The following RIMS2 variants were observed in gnomAD, a reference collection of about 807,000 sequenced individuals.
The protein encoded by RIMS2 is regulating synaptic membrane exocytosis protein 2.
In RIMS2, 59 loss-of-function variants were observed where a neutral mutation model predicts 174.4. The observed-to-expected ratio is 0.34, with a 90% CI of 0.27 to 0.42. RIMS2 has a LOEUF of 0.42. Among genes scored for constraint, RIMS2 ranks in the 10% least tolerant of loss-of-function variants. The pLI is 1.00. For missense variants in RIMS2, 1,620 were observed against 1,666.3 expected, an observed-to-expected ratio of 0.97 and a Z score of 0.48; for synonymous variants, 606 against 572.5, an observed-to-expected ratio of 1.06 and a Z score of -0.84.
intron 1 of RIMS2, among the ~76,000 whole-genome samples, chr8:103,608,575 C>T (rs1274978405): frequency 3.4e-5 from 5 of 147,030 alleles, no homozygotes; most frequent in African/African-American, 7.7e-5. Flanking sequence ...CAATGGTGGG[C>T]GCCCCTCCCC....
intron 1 of RIMS2, among the ~76,000 whole-genome samples, chr8:103,680,920 TAAA>T (rs2096872236): frequency 6.6e-6 from 1 of 152,020 alleles, no homozygotes; most frequent in African/African-American, 2.4e-5. Context: ...GAAGAGCAGT[TAAA>T]AAGTATCTAG....
intron 3 of RIMS2, among the ~76,000 whole-genome samples, 198 bp downstream of exon 6, chr8:103,766,735 G>T (rs2098176145): frequency 6.6e-6 from 1 of 152,186 alleles, no homozygotes; most frequent in Non-Finnish European, 1.5e-5. Context: ...TTTGATGTGG[G>T]AGTGTTAGGT....
At chr8:103,942,846 C>A (rs2082850260) in exon 14 of RIMS2, 1 of 1,613,068 alleles carries the variant, frequency 6.2e-7, no homozygotes, top group African/African-American at 1.3e-5. Context: ...CATGATGTCT[C>A]TTCATTGCCA....
At chr8:103,998,351 T>G in intron 17 of RIMS2, 1 of 633,290 alleles carries the variant, frequency 1.6e-6, no homozygotes. Flanking sequence ...TATATACATA[T>G]ATGGTTGTTA....
At chr8:103,639,522 T>C (rs1461454980) in intron 1 of RIMS2, among the ~76,000 whole-genome samples, 1 of 151,994 alleles carries the variant, frequency 6.6e-6, no homozygotes, top group African/African-American at 2.4e-5. Flanking sequence ...TTTCCCAGAA[T>C]GTCATATAAA....
chr8:104,007,626 C>T (rs1383240858), intron 17 of RIMS2, among the ~76,000 whole-genome samples: 1 of 152,090 alleles, frequency 6.6e-6, no homozygotes, highest in East Asian at 1.9e-4. Flanking sequence ...TTTCAAATTC[C>T]CCATTTGATA....
At chr8:104,239,818 T>G (rs1246042574) in intron 19 of RIMS2, among the ~76,000 whole-genome samples, 1 of 152,162 alleles carries the variant, frequency 6.6e-6, no homozygotes, top group Non-Finnish European at 1.5e-5. Context: ...TCTGGCACGT[T>G]TGGCTGGGTT....
intron 3 of RIMS2, among the ~76,000 whole-genome samples, chr8:103,884,139 A>AC (rs1178854814): frequency 6.6e-6 from 1 of 151,766 alleles, no homozygotes; most frequent in Non-Finnish European, 1.5e-5. Flanking sequence ...GGATTCTGTG[A>AC]CCCGGGGGAG....
intron 1 of RIMS2, among the ~76,000 whole-genome samples, chr8:103,658,737 G>T (rs1422044494): frequency 6.6e-6 from 1 of 152,146 alleles, no homozygotes; most frequent in African/African-American, 2.4e-5. Flanking sequence ...TTCATGAAGT[G>T]TCCAGGACAG....
intron 19 of RIMS2, among the ~76,000 whole-genome samples, chr8:104,051,715 G>T (rs12549891): frequency 2.6e-5 from 4 of 151,962 alleles, no homozygotes; most frequent in African/African-American, 7.3e-5. Context: ...CAATATTTTT[G>T]ATCATAAGTT....
intron 19 of RIMS2, among the ~76,000 whole-genome samples, chr8:104,213,592 A>G (rs185618138): frequency 2.0e-5 from 3 of 152,218 alleles, no homozygotes; most frequent in Admixed American, 2.0e-4. Context: ...AAAGAAATGA[A>G]TGGGCCGGGT....
intron 2 of RIMS2, among the ~76,000 whole-genome samples, 188 bp from the exon 5 acceptor site, chr8:103,716,121 C>T (rs1020198485): frequency 6.6e-6 from 1 of 151,754 alleles, no homozygotes; most frequent in African/African-American, 2.4e-5. Context: ...AAAAAATCTC[C>T]CCTAAAATTT....
At chr8:103,785,850 A>G (rs1277013482) in intron 3 of RIMS2, among the ~76,000 whole-genome samples, 1 of 152,216 alleles carries the variant, frequency 6.6e-6, no homozygotes. Context: ...GAATGGTACC[A>G]GTTCCTCCTT....
At chr8:103,768,596 C>T (rs537426069) in intron 3 of RIMS2, 14 of 1,299,858 alleles carry the variant, frequency 1.1e-5, no homozygotes, top group African/African-American at 4.3e-5. Flanking sequence ...GGATGCCAAT[C>T]GGAGTGCTCT....
intron 17 of RIMS2, among the ~76,000 whole-genome samples, chr8:103,998,423 A>G (rs2095238065): frequency 6.6e-6 from 1 of 151,866 alleles, no homozygotes; most frequent in African/African-American, 2.4e-5. Context: ...AACTAATTGT[A>G]GTAGGACATA....
intron 19 of RIMS2, among the ~76,000 whole-genome samples, chr8:104,046,569 A>C (rs2096699534): frequency 6.6e-6 from 1 of 152,110 alleles, no homozygotes; most frequent in Admixed American, 6.6e-5. Flanking sequence ...ATATATGTGC[A>C]TGTACGGACA....
intron 19 of RIMS2, among the ~76,000 whole-genome samples, chr8:104,218,079 A>G (rs1430720803): frequency 6.6e-6 from 1 of 152,214 alleles, no homozygotes; most frequent in Non-Finnish European, 1.5e-5. Context: ...ATCTATCTTC[A>G]CAACTGATGA....
intron 1 of RIMS2, among the ~76,000 whole-genome samples, chr8:103,688,026 A>T (rs1403165982): frequency 2.0e-5 from 3 of 152,140 alleles, no homozygotes; most frequent in Non-Finnish European, 4.4e-5. Flanking sequence ...ACTGTAGATA[A>T]GATCATGTTG....
intron 19 of RIMS2, among the ~76,000 whole-genome samples, chr8:104,096,875 CAAAA>C (rs34215707): frequency 7.6e-6 from 1 of 131,126 alleles, no homozygotes. Flanking sequence ...CGCCCCCCAC[CAAAA>C]AAAAAAAAAG....
Sources: gnomAD v4.1 joint callset for allele counts (sites outside exome capture counted in the v4.1 genomes callset) on GRCh38, gnomAD v4.1.1 for gene constraint, MANE v1.5 for transcripts, NCBI Gene and HGNC (gene_info 2026-07-23, HGNC 2026-07-21) for gene names.